Variants in FANCI observed in about 807,000 individuals in gnomAD.
FANCI encodes the protein Fanconi anemia group I protein.
In FANCI, 156 loss-of-function variants were observed where a neutral mutation model predicts 176.1. The observed-to-expected ratio is 0.89, with a 90% CI of 0.78 to 1.01. The LOEUF is 1.01. Among genes scored for constraint, FANCI ranks in the 50% least tolerant of loss-of-function variants. FANCI has a pLI of 0.00. For missense variants in FANCI, 1,678 were observed against 1,534.1 expected (o/e 1.09, Z -1.57); for synonymous variants, 613 against 541.7 (o/e 1.13, Z -1.83).
At chr15:89,280,065 A>G (rs989504521) in intron 14 of FANCI, among the ~76,000 whole-genome samples, 1 of 152,146 alleles carries the variant, frequency 6.6e-6, no homozygotes, top group Admixed American at 6.6e-5. Context: ...TCTGTCACCC[A>G]GGCTGGAGGG....
intron 1 of FANCI, among the ~76,000 whole-genome samples, chr15:89,246,811 G>A (rs1344285261): frequency 7.4e-6 from 1 of 135,858 alleles, no homozygotes; most frequent in Non-Finnish European, 1.5e-5. Flanking sequence ...TGTCGCCCAG[G>A]CTGGAGTGCA....
intron 2 of FANCI, among the ~76,000 whole-genome samples, chr15:89,256,739 G>A (rs986085139): frequency 1.6e-4 from 25 of 152,112 alleles, no homozygotes; most frequent in Non-Finnish European, 3.1e-4. Context: ...GAGCCTCACA[G>A]CAGACCCGAA....
In FANCI at chr15:89,266,458, A is replaced by G. The variant is rs113538969; in HGVS notation, c.755+1851A>G. Among the ~76,000 whole-genome samples, 930 of 149,230 alleles carry G rather than the reference A, an allele frequency of 6.2e-3. 6 individuals carry two copies. Among genetic ancestry groups the G allele is most frequent in the Middle Eastern group, 0.014 (4 of 278 alleles). ...ATCCTCCTGCCTCAGCCTCCCTAGTAGCTGGGGTTACAGGTGCGTGCCACC... is the reference window on the plus strand; with the variant it reads ...ATCCTCCTGCCTCAGCCTCCCTAGTGGCTGGGGTTACAGGTGCGTGCCACC... On this transcript the variant is annotated intron_variant, in intron 9 of 37. Coordinates refer to ENST00000310775, the MANE Select transcript of FANCI (RefSeq NM_001113378.2).
chr15:89,256,929 T>A (rs138663147), intron 2 of FANCI, among the ~76,000 whole-genome samples: 1 of 152,136 alleles, frequency 6.6e-6, no homozygotes, highest in South Asian at 2.1e-4. Flanking sequence ...TTTTTTGATA[T>A]GGAGTCTCGC....
intron 1 of FANCI, among the ~76,000 whole-genome samples, chr15:89,245,590 A>G (rs1028255543): frequency 1.2e-4 from 18 of 151,984 alleles, no homozygotes; most frequent in Admixed American, 1.1e-3. Context: ...GGATGGAAGC[A>G]GGAATATTTA....
intron 2 of FANCI, among the ~76,000 whole-genome samples, chr15:89,253,437 C>CACG (rs2052349288): frequency 6.6e-6 from 1 of 152,048 alleles, no homozygotes; most frequent in African/African-American, 2.4e-5. Context: ...TCGCTTGAGC[C>CACG]ACGAGGTTCA....
chr15:89,315,034 C>T (rs994233856), intron 36 of FANCI, among the ~76,000 whole-genome samples: 1 of 152,026 alleles, frequency 6.6e-6, no homozygotes, highest in South Asian at 2.1e-4. Flanking sequence ...GTCTCAAACT[C>T]CTGGCCTGAA....
At chr15:89,312,037 G>C (rs986071529) in intron 34 of FANCI, among the ~76,000 whole-genome samples, 1 of 152,112 alleles carries the variant, frequency 6.6e-6, no homozygotes, top group Non-Finnish European at 1.5e-5. Context: ...ACAACACAGG[G>C]AAGTGTTCTG....
At position 89,305,138 on chromosome 15, in the gene FANCI, T is replaced by G; in HGVS notation, c.3082T>G (p.Leu1028Val). ...AGAGGATGCCTTGTTTTGCAAGAGC[T>G]TGATGAACTTGCTCTTCAGCCTGCA... ...SREDALFCKS[L>V]MNLLFSLHVS... Residue 1028 changes from leucine to valine, a missense_variant, in exon 29 of 38, where the codon TTG becomes GTG. By Grantham distance (32) the Leu-to-Val change is conservative. Transcript: ENST00000310775. The G allele has an allele frequency of 6.2e-7, 1 of 1,614,226 alleles. No individual in the cohort carries two copies. Among genetic ancestry groups the G allele is most frequent in the African/African-American group, 1.3e-5 (1 of 75,064 alleles).
At chr15:89,278,860 T>A in intron 14 of FANCI, 86 bp downstream of exon 14, 1 of 1,005,064 alleles carries the variant, frequency 9.9e-7, no homozygotes, top group Non-Finnish European at 1.5e-6. Flanking sequence ...AAAAAAATTT[T>A]AATGAGCATT....
intron 36 of FANCI, 27 bp from the exon 37 acceptor site, chr15:89,315,255 T>A: frequency 6.5e-7 from 1 of 1,532,086 alleles, no homozygotes. Context: ...AGTAGGGAGA[T>A]GTCCCATGCT....
intron 36 of FANCI, among the ~76,000 whole-genome samples, chr15:89,314,957 A>G (rs762873179): frequency 1.1e-4 from 16 of 150,528 alleles, no homozygotes; most frequent in Non-Finnish European, 1.8e-4. Context: ...GTCATATGCC[A>G]TCATACCCCA....
In FANCI at chr15:89,263,449, C is replaced by T. The variant is rs754733731; in HGVS notation, c.534C>T (p.Thr178=). The change falls in exon 7 of 38, where the codon ACC becomes ACT. Residue 178 remains threonine, a synonymous_variant. Transcript: ENST00000310775. ...RWDQQYVIQL[T]SMFKDVPLTA... ...ATCAGCAATATGTAATCCAACTCACCTCCATGTTCAAGTAAGCATCATCTT... is the reference window on the plus strand; with the variant it reads ...ATCAGCAATATGTAATCCAACTCACTTCCATGTTCAAGTAAGCATCATCTT... 13 of 1,612,606 alleles carry T rather than the reference C, an allele frequency of 8.1e-6. No individual in the cohort carries two copies. The African/African-American group carries it at 1.5e-4, about 18-fold the overall frequency.
chr15:89,311,132 G>A (rs1240814918), intron 34 of FANCI, among the ~76,000 whole-genome samples: 4 of 152,200 alleles, frequency 2.6e-5, no homozygotes, highest in Admixed American at 6.5e-5. Flanking sequence ...GGTGGCAGGC[G>A]CCTGTAATCC....
At chr15:89,308,406 C>G (rs375387148) in intron 34 of FANCI, among the ~76,000 whole-genome samples, 1 of 152,146 alleles carries the variant, frequency 6.6e-6, no homozygotes, top group East Asian at 1.9e-4. Flanking sequence ...CCTAAGGCCA[C>G]TTAGTCATGC....
At chr15:89,246,763 C>CTTTTTTTTTTT (rs35104299) in intron 1 of FANCI, among the ~76,000 whole-genome samples, 5 of 113,940 alleles carry the variant, frequency 4.4e-5, no homozygotes, top group African/African-American at 1.4e-4. Flanking sequence ...TTCTTCCTTT[C>CTTTTTTTTTTT]TTTTTTTTTT....
intron 27 of FANCI, among the ~76,000 whole-genome samples, chr15:89,302,054 T>G (rs2054542752): frequency 1.3e-5 from 2 of 152,038 alleles, no homozygotes; most frequent in Admixed American, 1.3e-4. Flanking sequence ...TTGTTGGGGG[T>G]CTGTACCATT....
rs542769369 is a variant in FANCI, at chr15:89,281,937, G to A, written c.1583+102G>A. On this transcript the variant is annotated intron_variant, in intron 16 of 37. Transcript: ENST00000310775. ...AGTACCACCTGTTCACAGTGATCAT[G>A]AGAATTCCTAGCCCCGCAGAGCAAT... 48 of 1,101,418 alleles carry A rather than the reference G, an allele frequency of 4.4e-5. No homozygotes were observed. In the African/African-American group the frequency reaches 7.2e-4, roughly 17 times the overall value. 68.2% of individuals were successfully genotyped at this position (1,101,418 alleles called of 1,614,324 possible). A position where few individuals can be genotyped will look rare whatever the true frequency, so the allele number is the denominator to read the frequency against.
At chr15:89,315,422 C>T (rs780680344) in intron 37 of FANCI, 33 bp downstream of exon 37, 8 of 1,431,456 alleles carry the variant, frequency 5.6e-6, no homozygotes, top group South Asian at 2.3e-5. Flanking sequence ...AGCCCAGCCA[C>T]TCTTCCTAGC....
Sources: gnomAD v4.1 joint callset for allele counts (sites outside exome capture counted in the v4.1 genomes callset) on GRCh38, gnomAD v4.1.1 for gene constraint, MANE v1.5 for transcripts, NCBI Gene and HGNC (gene_info 2026-07-23, HGNC 2026-07-21) for gene names.